Variants in CHRM3 observed in about 807,000 individuals in gnomAD.
CHRM3 encodes the protein muscarinic acetylcholine receptor M3.
Under a neutral mutation model 41.8 loss-of-function variants are expected in CHRM3, and 11 were observed. That is an observed-to-expected ratio of 0.26 (90% CI 0.17 to 0.44). The LOEUF (loss-of-function observed/expected upper bound fraction) is 0.44. Ranked by LOEUF, CHRM3 falls within the 20% of genes least tolerant of loss-of-function variation. The probability of loss-of-function intolerance (pLI) is 1.00; values close to 1 mark genes in which losing one functional copy is unlikely to be tolerated. For synonymous variants in CHRM3, 297 were observed against 301.4 expected (o/e 0.99, Z 0.15); for missense variants, 571 against 745.4 (o/e 0.77, Z 2.72).
At chr1:239,782,849 T>C (rs1256240470) in intron 5 of CHRM3, among the ~76,000 whole-genome samples, 1 of 152,144 alleles carries the variant, frequency 6.6e-6, no homozygotes, top group African/African-American at 2.4e-5. Context: ...AAATTTCTTT[T>C]TGCGATTTCT....
chr1:239,577,749 C>G (rs982635632), intron 3 of CHRM3, among the ~76,000 whole-genome samples: 1 of 152,106 alleles, frequency 6.6e-6, no homozygotes, highest in Non-Finnish European at 1.5e-5. Flanking sequence ...AATTGTATTT[C>G]CTATCAGATT....
chr1:239,387,642 C>T lies in CHRM3; in HGVS notation c.-521+415C>T, dbSNP rs898963035. 1.2e-4 allele frequency among the ~76,000 whole-genome samples: 18 copies of T among 152,266 alleles called. No homozygotes were observed. The highest frequency in any genetic ancestry group is 4.1e-4 in the African/African-American group (17 of 41,572). The stretch of plus-strand genomic sequence containing the variant: ...TGCCCGAGCATGAGGAGCTACTGGG[C>T]TCCGGGTGTGTTTGTGAGCGCACTC... On this transcript the variant is annotated intron_variant, in intron 1 of 6. Coordinates refer to ENST00000676153, the MANE Select transcript of CHRM3 (RefSeq NM_001375978.1). This position sits in a 1 kb window ranked among gnomAD's most constrained non-coding sequence, Gnocchi z 5.1.
chr1:239,432,644 G>A (rs1558219419), intron 1 of CHRM3, among the ~76,000 whole-genome samples: 1 of 152,232 alleles, frequency 6.6e-6, no homozygotes, highest in South Asian at 2.1e-4. Flanking sequence ...ATATGAAAAT[G>A]TGATGTGATA....
chr1:239,520,484 C>T (rs1044230273), intron 2 of CHRM3, among the ~76,000 whole-genome samples: 25 of 152,232 alleles, frequency 1.6e-4, no homozygotes, highest in African/African-American at 5.8e-4. Context: ...CCCAATCCCT[C>T]CATTTGAGAC....
At chr1:239,785,943 T>C (rs2148827759) in intron 5 of CHRM3, among the ~76,000 whole-genome samples, 1 of 152,308 alleles carries the variant, frequency 6.6e-6, no homozygotes, top group Non-Finnish European at 1.5e-5. Context: ...GTCCTCTGTG[T>C]GTGTATATGT....
intron 5 of CHRM3, among the ~76,000 whole-genome samples, chr1:239,702,860 G>A (rs1572033572): frequency 1.3e-5 from 2 of 152,182 alleles, no homozygotes; most frequent in East Asian, 3.9e-4. Context: ...CCTGTTACAG[G>A]TAACTTTCTT....
intron 6 of CHRM3, among the ~76,000 whole-genome samples, chr1:239,843,026 C>T (rs1454769236): frequency 6.6e-6 from 1 of 152,120 alleles, no homozygotes; most frequent in Admixed American, 6.5e-5. Context: ...GATCAGATCC[C>T]ACCACACACT....
intron 1 of CHRM3, among the ~76,000 whole-genome samples, chr1:239,392,524 G>A (rs550438704): frequency 5.3e-5 from 8 of 152,260 alleles, no homozygotes; most frequent in African/African-American, 1.9e-4. Flanking sequence ...AGACATCCTG[G>A]TTCAGGCAGG....
At chr1:239,766,915 T>A (rs1422630246) in intron 5 of CHRM3, among the ~76,000 whole-genome samples, 2 of 152,204 alleles carry the variant, frequency 1.3e-5, no homozygotes, top group Non-Finnish European at 2.9e-5. Flanking sequence ...TTTCGCCATT[T>A]TGGCCAGGCT....
intron 4 of CHRM3, among the ~76,000 whole-genome samples, chr1:239,665,127 T>G (rs1487982395): frequency 6.7e-6 from 1 of 148,844 alleles, no homozygotes; most frequent in Non-Finnish European, 1.5e-5. Flanking sequence ...TGATTTCTTA[T>G]GCTGGCATTT....
intron 6 of CHRM3, among the ~76,000 whole-genome samples, chr1:239,858,012 A>G (rs570060173): frequency 6.6e-6 from 1 of 152,322 alleles, no homozygotes; most frequent in African/African-American, 2.4e-5. Context: ...AAAATAGTTC[A>G]TACTTTAATA....
At chr1:239,662,435 A>C (rs1372946597) in intron 4 of CHRM3, among the ~76,000 whole-genome samples, 2 of 152,184 alleles carry the variant, frequency 1.3e-5, no homozygotes, top group Admixed American at 6.5e-5. Flanking sequence ...CATTTTGTCA[A>C]GGCATTCATT....
At chr1:239,642,833 A>G (rs1671330913) in intron 4 of CHRM3, among the ~76,000 whole-genome samples, 1 of 152,110 alleles carries the variant, frequency 6.6e-6, no homozygotes, top group Admixed American at 6.5e-5. Flanking sequence ...TTGGAGGAGG[A>G]GAGGCGCTCT....
In CHRM3 at chr1:239,442,622, C is replaced by T. The variant is rs115684698; in HGVS notation, c.-520-50087C>T. Among the ~76,000 whole-genome samples, 687 of 152,074 alleles carry T rather than the reference C, an allele frequency of 4.5e-3. 5 individuals carry two copies. Among genetic ancestry groups the T allele is most frequent in the African/African-American group, 0.016 (654 of 41,486 alleles). On this transcript the variant is annotated intron_variant, in intron 1 of 6. Coordinates refer to ENST00000676153, the MANE Select transcript of CHRM3 (RefSeq NM_001375978.1). The stretch of plus-strand genomic sequence containing the variant: ...ACTCTTTGAGGTTGTTCTGAGAGTG[C>T]GTATTTTCACTATTTTGTTCTGACT...
At chr1:239,531,391 T>G (rs1670392507) in intron 2 of CHRM3, among the ~76,000 whole-genome samples, 1 of 152,088 alleles carries the variant, frequency 6.6e-6, no homozygotes, top group Admixed American at 6.5e-5. Context: ...TGCAAGACCC[T>G]GAGAATATCA....
intron 1 of CHRM3, among the ~76,000 whole-genome samples, chr1:239,482,134 T>C (rs1244524601): frequency 6.6e-6 from 1 of 152,190 alleles, no homozygotes; most frequent in Non-Finnish European, 1.5e-5. Context: ...CTTAGTTTTT[T>C]CCTTTCTCTC....
At chr1:239,696,021 A>T (rs1660150821) in intron 5 of CHRM3, among the ~76,000 whole-genome samples, 2 of 152,206 alleles carry the variant, frequency 1.3e-5, no homozygotes, top group African/African-American at 4.8e-5. Context: ...ATGTACTGAC[A>T]TATTCTCTCC....
intron 4 of CHRM3, among the ~76,000 whole-genome samples, chr1:239,643,703 C>G (rs573952531): frequency 6.6e-6 from 1 of 152,330 alleles, no homozygotes; most frequent in South Asian, 2.1e-4. Context: ...AGGGAACTCC[C>G]TGACTCCTTG....
intron 3 of CHRM3, among the ~76,000 whole-genome samples, chr1:239,574,254 T>C (rs548588495): frequency 6.6e-6 from 1 of 152,268 alleles, no homozygotes; most frequent in South Asian, 2.1e-4. Context: ...CCCATTTCAC[T>C]CAGAGAAAAA....
Sources: allele counts gnomAD v4.1 joint callset (sites outside exome capture counted in the v4.1 genomes callset), GRCh38; gene constraint gnomAD v4.1.1; non-coding constraint Gnocchi (gnomAD v3.1); transcripts MANE v1.5; gene names NCBI Gene and HGNC (gene_info 2026-07-23, HGNC 2026-07-21).